Variants in NEBL observed in about 807,000 individuals in gnomAD.
NEBL encodes nebulette, also known as LIM and SH3 protein 2.
In NEBL, 122 loss-of-function variants were observed where a neutral mutation model predicts 140.2. The ratio of observed to expected loss-of-function variants is 0.87; its 90% CI spans 0.75 to 1.01. NEBL has a LOEUF of 1.01. Among genes scored for constraint, NEBL ranks in the 50% least tolerant of loss-of-function variants. NEBL has a pLI of 0.00. For missense variants in NEBL, 1,365 were observed against 1,231.3 expected (o/e 1.11, Z -1.62); for synonymous variants, 436 against 398.9 (o/e 1.09, Z -1.11).
chr10:20,807,893 G>T (rs1837749581), intron 26 of NEBL, among the ~76,000 whole-genome samples: 1 of 151,336 alleles, frequency 6.6e-6, no homozygotes, highest in Admixed American at 6.6e-5. Flanking sequence ...TAATCCATCA[G>T]CCTGGATACA....
At chr10:21,064,717 C>A (rs772188714) in intron 2 of NEBL, among the ~76,000 whole-genome samples, 1 of 152,030 alleles carries the variant, frequency 6.6e-6, no homozygotes, top group Non-Finnish European at 1.5e-5. Flanking sequence ...AAACAATTAA[C>A]TGTAGATGTC....
intron 2 of NEBL, among the ~76,000 whole-genome samples, chr10:21,169,024 G>A (rs1190576500): frequency 8.0e-6 from 1 of 125,200 alleles, no homozygotes; most frequent in Admixed American, 9.6e-5. Context: ...ACTCCAGCCT[G>A]CGCTACAGAG....
chr10:20,952,922 A>G (rs545259772), intron 4 of NEBL, among the ~76,000 whole-genome samples: 131 of 149,292 alleles, frequency 8.8e-4, no homozygotes, highest in African/African-American at 2.5e-3. Flanking sequence ...AAAAAAAAAA[A>G]AAAGAAAAAG....
chr10:21,088,033 G>C (rs996627231), intron 2 of NEBL, among the ~76,000 whole-genome samples: 11 of 152,284 alleles, frequency 7.2e-5, no homozygotes, highest in South Asian at 2.1e-4. Context: ...AAACAACATG[G>C]AACAAACAAA....
chr10:20,918,235 G>A (rs1228526748), intron 4 of NEBL, among the ~76,000 whole-genome samples: 1 of 152,162 alleles, frequency 6.6e-6, no homozygotes, highest in Non-Finnish European at 1.5e-5. Context: ...ACAAGCGCTT[G>A]TAATCCCAGC....
intron 4 of NEBL, among the ~76,000 whole-genome samples, chr10:20,916,207 T>C (rs1261370059): frequency 1.3e-5 from 2 of 152,188 alleles, no homozygotes; most frequent in African/African-American, 4.8e-5. Context: ...CCATGGGTTA[T>C]GGAGTTCCCA....
chr10:21,159,454 C>G (rs930181215), intron 2 of NEBL, among the ~76,000 whole-genome samples: 3 of 152,196 alleles, frequency 2.0e-5, no homozygotes, highest in African/African-American at 7.2e-5. Context: ...TTCAACATAA[C>G]AGAGACTACG....
chr10:21,115,361 C>A (rs1398760308), intron 2 of NEBL, among the ~76,000 whole-genome samples: 6 of 151,996 alleles, frequency 3.9e-5, no homozygotes, highest in African/African-American at 1.2e-4. Context: ...TTTCTTTGTG[C>A]AGATTCAGTT....
intron 3 of NEBL, among the ~76,000 whole-genome samples, chr10:20,998,544 A>G (rs1837759468): frequency 6.6e-6 from 1 of 152,130 alleles, no homozygotes; most frequent in Admixed American, 6.5e-5. Context: ...GGCTGCTTCA[A>G]GAAATGTGCA....
chr10:20,840,721 T>C lies in NEBL; in HGVS notation c.1338+18A>G. 6.6e-7 allele frequency: 1 copy of C among 1,504,746 alleles called. No individual in the cohort carries two copies. The highest frequency in any genetic ancestry group is 9.2e-7 in the Non-Finnish European group (1 of 1,081,334). The allele number at this position is 1,504,746 out of a possible 1,614,324, so 93.2% of individuals were successfully genotyped here. Reference sequence around the variant, plus strand: ...GCTAAAAACATATTCATCTAAGGTGTTAAATAAACATACTCACCTCACTTG... The same window carrying C: ...GCTAAAAACATATTCATCTAAGGTGCTAAATAAACATACTCACCTCACTTG... On this transcript the variant is annotated intron_variant, in intron 13 of 27. Transcript: ENST00000377122.
Position 20,780,241 on chromosome 10 carries a change from A to G in NEBL, c.*5506T>C, listed in dbSNP as rs758055657. Reference sequence around the variant, plus strand: ...AGTTGCTTCCCATTTTATGTACTCAATTTGTGCACTTTCTATTCTATGCTC... The same window carrying G: ...AGTTGCTTCCCATTTTATGTACTCAGTTTGTGCACTTTCTATTCTATGCTC... On this transcript the variant is annotated 3_prime_UTR_variant, in exon 28 of 28. Coordinates refer to ENST00000377122, the MANE Select transcript of NEBL (RefSeq NM_006393.3). 2 of 152,186 alleles carry G rather than the reference A, an allele frequency of 1.3e-5. No individual in the cohort carries two copies. The highest frequency in any genetic ancestry group is 1.3e-4 in the Admixed American group (2 of 15,264). 9.4% of individuals were successfully genotyped at this position (152,186 alleles called of 1,614,324 possible).
chr10:20,996,396 T>C (rs1275174032), intron 3 of NEBL, among the ~76,000 whole-genome samples: 5 of 152,182 alleles, frequency 3.3e-5, no homozygotes, highest in African/African-American at 1.2e-4. Context: ...GAAGTGAAAA[T>C]GCAGAGTATC....
intron 2 of NEBL, among the ~76,000 whole-genome samples, chr10:21,035,400 C>A (rs537367770): frequency 1.3e-5 from 2 of 150,930 alleles, no homozygotes; most frequent in Admixed American, 1.3e-4. Context: ...TTGTGTACAA[C>A]CTTGTCAACT....
rs913500275 is a variant in NEBL at position 20,782,113 on chromosome 10, T to C, written c.*3634A>G. 18 of 152,546 alleles carry C rather than the reference T, an allele frequency of 1.2e-4. No individual in the cohort carries two copies. Among genetic ancestry groups the C allele is most frequent in the African/African-American group, 4.3e-4 (18 of 41,418 alleles). 9.4% of individuals were successfully genotyped at this position (152,546 alleles called of 1,614,324 possible). On this transcript the variant is annotated 3_prime_UTR_variant, in exon 28 of 28. Coordinates refer to ENST00000377122, the MANE Select transcript of NEBL (RefSeq NM_006393.3). ...GGAAGAAGTCGGCATTTTCTAAAGT[T>C]CTAAATCTTTAGAGATAAAATACAA...
At chr10:21,237,255 A>T (rs1160605791) in intron 3 of NEBL, among the ~76,000 whole-genome samples, 1 of 152,190 alleles carries the variant, frequency 6.6e-6, no homozygotes, top group Admixed American at 6.5e-5. Flanking sequence ...CCCAGGCTGG[A>T]GTGCAGTAGC....
At chr10:20,901,728 A>G (rs953881644), upstream of NEBL, among the ~76,000 whole-genome samples, 1 of 151,990 alleles carries the variant, frequency 6.6e-6, no homozygotes, top group Non-Finnish European at 1.5e-5. Context: ...GTTTTTTCAC[A>G]CTCATTTTTT....
chr10:21,291,783 T>A (rs1250427254), intron 1 of NEBL, among the ~76,000 whole-genome samples: 1 of 151,636 alleles, frequency 6.6e-6, no homozygotes, highest in Admixed American at 6.6e-5. Context: ...GGCGTGGTGG[T>A]GGACGCCTGT....
upstream of NEBL, among the ~76,000 whole-genome samples, chr10:20,900,853 A>G (rs1304342075): frequency 5.1e-5 from 7 of 136,588 alleles, no homozygotes; most frequent in Non-Finnish European, 9.6e-5. Flanking sequence ...CCGAAAAAAA[A>G]AGAAAAAAGA....
intron 12 of NEBL, among the ~76,000 whole-genome samples, chr10:20,842,860 T>A (rs1448439239): frequency 6.6e-6 from 1 of 152,078 alleles, no homozygotes; most frequent in East Asian, 1.9e-4. Context: ...GACTATCACC[T>A]TGCCATTCCT....
Sources: allele counts gnomAD v4.1 joint callset (sites outside exome capture counted in the v4.1 genomes callset), GRCh38; gene constraint gnomAD v4.1.1; transcripts MANE v1.5; gene names NCBI Gene and HGNC (gene_info 2026-07-23, HGNC 2026-07-21).